WDR20: variants seen among roughly 807,000 people sequenced by gnomAD.
WDR20 encodes the protein WD repeat-containing protein 20.
WDR20 carries 3 observed loss-of-function variants against 38.7 expected under a neutral mutation model. That is an observed-to-expected ratio of 0.08 (90% CI 0.04 to 0.20). The LOEUF (loss-of-function observed/expected upper bound fraction) is 0.20, where lower values mean the gene tolerates loss of function less well. WDR20 is among the 10% of genes least tolerant of loss of function. The pLI, the probability that WDR20 is intolerant of heterozygous loss-of-function variation, is 1.00. For synonymous variants in WDR20, 298 were observed against 285.6 expected, an observed-to-expected ratio of 1.04 and a Z score of -0.44; for missense variants, 559 against 727.7, an observed-to-expected ratio of 0.77 and a Z score of 2.67.
intron 1 of WDR20, among the ~76,000 whole-genome samples, chr14:102,144,491 A>C (rs889040853): frequency 3.8e-4 from 57 of 151,914 alleles, no homozygotes; most frequent in Non-Finnish European, 1.2e-4. Flanking sequence ...CAAAAAAAAA[A>C]AAAAAAGATT....
intron 1 of WDR20, among the ~76,000 whole-genome samples, chr14:102,192,169 A>G (rs2058614454): frequency 6.6e-6 from 1 of 151,832 alleles, no homozygotes; most frequent in Non-Finnish European, 1.5e-5. Context: ...TATTTTTAGA[A>G]TATTTACCTG....
intron 1 of WDR20, among the ~76,000 whole-genome samples, chr14:102,191,605 A>G (rs549267991): frequency 5.2e-4 from 79 of 152,326 alleles, no homozygotes; most frequent in Middle Eastern, 3.4e-3. Context: ...AGTGGAGTCC[A>G]TAGATTTTTC....
downstream of WDR20, among the ~76,000 whole-genome samples, chr14:102,215,324 G>A (rs1331987311): frequency 1.3e-5 from 2 of 152,200 alleles, no homozygotes; most frequent in Non-Finnish European, 2.9e-5. Context: ...CAGACATTCT[G>A]AAGTCGTCCT....
chr14:102,164,784 T>C (rs2059433084), intron 1 of WDR20, among the ~76,000 whole-genome samples: 1 of 152,260 alleles, frequency 6.6e-6, no homozygotes, highest in African/African-American at 2.4e-5. Flanking sequence ...ACTATCGGAT[T>C]TCTTTAATTG....
In WDR20 at chr14:102,222,820, T is replaced by C. The variant is rs1455584258; in HGVS notation, c.1693-10T>C. ...TTTTGCTGGATTAATGTAGACTGCT[T>C]TGTTTGCAGGGCTCATTGTCATCCC... is the stretch of plus-strand genomic sequence containing the variant. On this transcript the variant is annotated splice_polypyrimidine_tract_variant and intron_variant, in intron 3 of 3. Coordinates refer to the WDR20 transcript ENST00000335263. The surrounding 1 kb of genome is among the most constrained non-coding windows in gnomAD (Gnocchi z 4.4). 14 of 1,614,028 alleles carry C rather than the reference T, an allele frequency of 8.7e-6. No homozygotes were observed. Among genetic ancestry groups the C allele is most frequent in the African/African-American group, 1.3e-5 (1 of 74,930 alleles).
At chr14:102,197,995 A>G in intron 2 of WDR20, 1 of 509,714 alleles carries the variant, frequency 2.0e-6, no homozygotes, top group African/African-American at 1.9e-5. Flanking sequence ...GAGAGGTATA[A>G]TAGCACCACC....
At chr14:102,154,828 G>A (rs1056460676) in intron 1 of WDR20, among the ~76,000 whole-genome samples, 3 of 152,136 alleles carry the variant, frequency 2.0e-5, no homozygotes, top group African/African-American at 7.2e-5. Flanking sequence ...CATTTACATA[G>A]AGCACTTTAG....
chr14:102,206,117 G>T lies in WDR20; in HGVS notation c.433-2486G>T, dbSNP rs1596946479. 2.0e-5 allele frequency among the ~76,000 whole-genome samples: 3 copies of T among 152,306 alleles called. No individual in the cohort carries two copies. In the East Asian group the frequency reaches 5.8e-4, roughly 29 times the overall value. ...TTCTCCTGCCTCAGCCTCCAGAGCA[G>T]CTGGGATTACAGGTTCGCACTACCA... On this transcript the variant is annotated intron_variant, in intron 2 of 2. Transcript: ENST00000342702.
intron 1 of WDR20, chr14:102,157,423 G>GAGCT (rs1259685938): frequency 6.6e-6 from 1 of 152,122 alleles, no homozygotes. Context: ...GCTCCATGAA[G>GAGCT]AGCTCTCTTG....
At chr14:102,182,743 A>T (rs187408316) in intron 1 of WDR20, among the ~76,000 whole-genome samples, 144 of 152,128 alleles carry the variant, frequency 9.5e-4, no homozygotes, top group African/African-American at 3.2e-3. Context: ...AAGGCAAAAA[A>T]TATTATCTAA....
intron 1 of WDR20, among the ~76,000 whole-genome samples, chr14:102,193,950 C>T (rs1253150034): frequency 1.3e-5 from 2 of 152,190 alleles, no homozygotes; most frequent in Non-Finnish European, 2.9e-5. Flanking sequence ...TGCCACAGGA[C>T]ATTTCTCATG....
At chr14:102,150,726 T>A (rs944725532) in intron 1 of WDR20, among the ~76,000 whole-genome samples, 9 of 152,178 alleles carry the variant, frequency 5.9e-5, no homozygotes, top group Non-Finnish European at 1.3e-4. Context: ...AGTTTTTGTG[T>A]GAAAAGCAGT....
At chr14:102,161,142 A>ATATATATATATATATATATATATT (rs1342924049) in intron 1 of WDR20, among the ~76,000 whole-genome samples, 3 of 16,050 alleles carry the variant, frequency 1.9e-4, no homozygotes, top group Non-Finnish European at 2.9e-4. Context: ...ATATATATAT[A>ATATATATATATATATATATATATT]TTTTTTTTTT....
rs2063967600 is a variant in WDR20, at chr14:102,222,141, T to A, written c.1693-689T>A. 7.1e-6 allele frequency among the ~76,000 whole-genome samples: 1 copy of A among 140,618 alleles called. No homozygotes were observed. Among genetic ancestry groups the A allele is most frequent in the Non-Finnish European group, 1.5e-5 (1 of 65,074 alleles). 92.3% of individuals were successfully genotyped at this position (140,618 alleles called of 152,430 possible). A position where few individuals can be genotyped will look rare whatever the true frequency, so the allele number is the denominator to read the frequency against. On this transcript the variant is annotated intron_variant, in intron 3 of 3. Transcript: ENST00000335263. This position sits in a 1 kb window ranked among gnomAD's most constrained non-coding sequence, Gnocchi z 4.4. ...GCAGGAGCCGCCCTAAAGAGCCAGA[T>A]GCCCCCCACCATTCTTCCTGCTGGC...
At chr14:102,141,174 AGT>A (rs1174621894) in intron 1 of WDR20, among the ~76,000 whole-genome samples, 1 of 152,208 alleles carries the variant, frequency 6.6e-6, no homozygotes, top group African/African-American at 2.4e-5. Context: ...GTCATGGAAG[AGT>A]GAGGAAATTA....
At chr14:102,151,940 C>G (rs962067998) in intron 1 of WDR20, among the ~76,000 whole-genome samples, 7 of 150,940 alleles carry the variant, frequency 4.6e-5, no homozygotes, top group African/African-American at 1.5e-4. Flanking sequence ...TTTTTGGACA[C>G]AGGGTCGGTC....
chr14:102,186,950 A>G (rs913338864), intron 1 of WDR20, among the ~76,000 whole-genome samples: 4 of 122,830 alleles, frequency 3.3e-5, no homozygotes, highest in African/African-American at 1.0e-4. Flanking sequence ...ACTCTGTCTC[A>G]GGAAAAAAAA....
chr14:102,212,491 C>T, downstream of WDR20: 2 of 1,535,464 alleles, frequency 1.3e-6, no homozygotes, highest in Non-Finnish European at 1.7e-6. Context: ...CCACTCTGCC[C>T]CTCTGACTGC....
downstream of WDR20, among the ~76,000 whole-genome samples, chr14:102,217,550 G>A (rs921885231): frequency 6.6e-6 from 1 of 152,218 alleles, no homozygotes; most frequent in Non-Finnish European, 1.5e-5. Flanking sequence ...TATAACTGAG[G>A]TCCCAAGCCA....
Sources: gnomAD v4.1 joint callset for allele counts (sites outside exome capture counted in the v4.1 genomes callset) on GRCh38, gnomAD v4.1.1 for gene constraint, Gnocchi (gnomAD v3.1) non-coding constraint, MANE v1.5 for transcripts, NCBI Gene and HGNC (gene_info 2026-07-23, HGNC 2026-07-21) for gene names.